UTRN: variants seen among roughly 807,000 people sequenced by gnomAD.
UTRN encodes utrophin, also known as dystrophin-related protein 1.
In UTRN, 283 loss-of-function variants were observed where a neutral mutation model predicts 463.9. The ratio of observed to expected loss-of-function variants is 0.61; its 90% CI spans 0.55 to 0.67. The LOEUF (loss-of-function observed/expected upper bound fraction) is 0.67. UTRN is among the 30% of genes least tolerant of loss of function. The pLI is 0.00. For synonymous variants in UTRN, 1,442 were observed against 1,431.5 expected, an observed-to-expected ratio of 1.01 and a Z score of -0.17; for missense variants, 3,922 against 4,084.3, an observed-to-expected ratio of 0.96 and a Z score of 1.08.
At chr6:144,387,137 TTTTA>T (rs1781490189) in intron 2 of UTRN, among the ~76,000 whole-genome samples, 1 of 152,116 alleles carries the variant, frequency 6.6e-6, no homozygotes, top group African/African-American at 2.4e-5. Flanking sequence ...TTTCTTCCCA[TTTTA>T]TTTATTTATT....
At chr6:144,708,400 G>T (rs970484086) in intron 53 of UTRN, 2 of 630,994 alleles carry the variant, frequency 3.2e-6, no homozygotes, top group East Asian at 7.1e-5. Context: ...TAGAGGCTTT[G>T]CCTTTGGCCT....
intron 63 of UTRN, among the ~76,000 whole-genome samples, chr6:144,796,737 G>C (rs1314557004): frequency 1.3e-5 from 2 of 152,100 alleles, no homozygotes; most frequent in Non-Finnish European, 2.9e-5. Flanking sequence ...AGCATATCCA[G>C]TGATTTATCA....
chr6:144,537,089 G>GC (rs1490971466), intron 43 of UTRN, among the ~76,000 whole-genome samples: 1 of 151,774 alleles, frequency 6.6e-6, no homozygotes, highest in Non-Finnish European at 1.5e-5. Context: ...TTGATACCTT[G>GC]CTTTGTTCTT....
chr6:144,479,418 T>G (rs997999445), intron 25 of UTRN, among the ~76,000 whole-genome samples: 2 of 152,174 alleles, frequency 1.3e-5, no homozygotes, highest in Non-Finnish European at 2.9e-5. Context: ...CAAGACTGAC[T>G]GGCTTCTAGA....
At chr6:144,766,078 C>T (rs1044750928) in intron 58 of UTRN, among the ~76,000 whole-genome samples, 1 of 151,312 alleles carries the variant, frequency 6.6e-6, no homozygotes, top group African/African-American at 2.5e-5. Context: ...CACCCACTAC[C>T]TCCATCCTCT....
rs562579169 is a variant in UTRN at position 144,344,216 on chromosome 6, C to T, written c.79+52309C>T. 2.8e-5 allele frequency: 37 copies of T among 1,303,934 alleles called. No homozygotes were observed. The East Asian group carries it at 3.3e-4, about 12-fold the overall frequency. The allele number at this position is 1,303,934 out of a possible 1,614,324, so 80.8% of individuals were successfully genotyped here. ...CATCTAAGCAGATGTAGGTGATGAG[C>T]GGCCTGGCAGCCACCACGTTTCATT... On this transcript the variant is annotated intron_variant, in intron 2 of 74. Coordinates refer to ENST00000367545, the MANE Select transcript of UTRN (RefSeq NM_007124.3).
Position 144,852,151 on chromosome 6 carries a change from C to T in UTRN, c.*1154C>T, listed in dbSNP as rs905677351. 1.3e-5 allele frequency: 2 copies of T among 152,028 alleles called. No homozygotes were observed. The allele number at this position is 152,028 out of a possible 1,614,324, so 9.4% of individuals were successfully genotyped here. A position where few individuals can be genotyped will look rare whatever the true frequency, so the allele number is the denominator to read the frequency against. ...GGTGAAAGATCAGATGTTTTTATAC[C>T]CTTCACTTGATCAATATATTTGGAA... On this transcript the variant is annotated 3_prime_UTR_variant, in exon 75 of 75. Transcript: ENST00000367545.
At position 144,461,217 on chromosome 6, in the gene UTRN, C is replaced by T; in HGVS notation, c.2728C>T (p.His910Tyr). Reference protein sequence around the residue: ...LENELKGQPGHAYLETLKTLK... With the variant: ...LENELKGQPGYAYLETLKTLK... ...AACAGAACTGAAGGGCCAACCTGGA[C>T]ATGCATATCTGGAAACATTGAAAAC... The change falls in exon 22 of 75, where the codon CAT (histidine) becomes TAT (tyrosine). Residue 910 changes from histidine (H) to tyrosine (Y), a missense_variant. By Grantham distance (83) the His-to-Tyr change is moderately conservative (BLOSUM62 2). Transcript: ENST00000367545. 6.3e-7 allele frequency: 1 copy of T among 1,591,848 alleles called. No individual in the cohort carries two copies. The highest frequency in any genetic ancestry group is 8.6e-7 in the Non-Finnish European group (1 of 1,169,040).
At chr6:144,632,184 C>T (rs1045273992) in intron 51 of UTRN, among the ~76,000 whole-genome samples, 2 of 152,158 alleles carry the variant, frequency 1.3e-5, no homozygotes, top group Non-Finnish European at 2.9e-5. Flanking sequence ...ACTTAAGTCT[C>T]AACTGCACTA....
Position 144,487,539 on chromosome 6 carries a change from C to T in UTRN, c.3823-9C>T, listed in dbSNP as rs1433490811. 2 of 1,581,530 alleles carry T rather than the reference C, an allele frequency of 1.3e-6. No homozygotes were observed. ...GCATTATTATTTTTTTTTCCCATCT[C>T]CATTCCAGTCTCTGGAATCTGTTCT... On this transcript the variant is annotated splice_polypyrimidine_tract_variant and intron_variant, in intron 28 of 74. Transcript: ENST00000367545.
rs1775859895 is a variant in UTRN, at chr6:144,324,544, GACTACCTTTTGGAATTCAAGAC to G, written c.79+32638_79+32659del. On this transcript the variant is annotated intron_variant, in intron 2 of 74. Coordinates refer to ENST00000367545, the MANE Select transcript of UTRN (RefSeq NM_007124.3). ...GGTTTGGCCATAAAGTATTTAGCAA[GACTACCTTTTGGAATTCAAGAC>G]TATGAGAACCACGTCTTGCTTGCAC... Among the ~76,000 whole-genome samples the G allele has an allele frequency of 2.0e-5, 3 of 152,278 alleles. No homozygotes were observed. The East Asian group carries it at 5.8e-4, about 29-fold the overall frequency.
chr6:144,515,105 A>G (rs960732689), intron 37 of UTRN, among the ~76,000 whole-genome samples: 1 of 152,090 alleles, frequency 6.6e-6, no homozygotes, highest in African/African-American at 2.4e-5. Context: ...GGGTTTCACC[A>G]TCTTGGCCAG....
In UTRN at chr6:144,839,115, T is replaced by A. The variant is rs1043258718; in HGVS notation, c.10066-58T>A. The stretch of plus-strand genomic sequence containing the variant: ...GGGCGGGGAAGTTAAAAAGGAAATG[T>A]TTTTCCTTATGATTATTTGAATCCT... On this transcript the variant is annotated intron_variant, in intron 71 of 74. Coordinates refer to ENST00000367545, the MANE Select transcript of UTRN (RefSeq NM_007124.3). 7 of 1,374,096 alleles carry A rather than the reference T, an allele frequency of 5.1e-6. No individual in the cohort carries two copies. In the Admixed American group the frequency reaches 1.2e-4, roughly 23 times the overall value. The allele number at this position is 1,374,096 out of a possible 1,614,324, so 85.1% of individuals were successfully genotyped here. A position where few individuals can be genotyped will look rare whatever the true frequency, so the allele number is the denominator to read the frequency against.
chr6:144,511,916 A>G (rs1358554514), intron 35 of UTRN, among the ~76,000 whole-genome samples: 1 of 152,144 alleles, frequency 6.6e-6, no homozygotes, highest in Non-Finnish European at 1.5e-5. Context: ...TACCTGAGAT[A>G]GGACTTTTAT....
Position 144,754,747 on chromosome 6 carries a change from C to G in UTRN, c.8383C>G (p.Leu2795Val), listed in dbSNP as rs1791795302. 1 of 1,613,458 alleles carries G rather than the reference C, an allele frequency of 6.2e-7. No homozygotes were observed. The highest frequency in any genetic ancestry group is 1.3e-5 in the African/African-American group (1 of 74,860). ...QVSVDDRLKQ[L>V]QEAHRDFGPS... ...TTCTGTGGATGATCGCCTTAAACAG[C>G]TTCAGGAAGCCCACAGAGATTTTGG... The change falls in exon 57 of 75, where the codon CTT becomes GTT. Residue 2795 changes from leucine to valine, a missense_variant. Physicochemically the swap from Leu to Val is conservative, Grantham distance 32. Coordinates refer to ENST00000367545, the MANE Select transcript of UTRN (RefSeq NM_007124.3).
chr6:144,840,781 G>A lies in UTRN; in HGVS notation c.10219G>A (p.Asp3407Asn). 6.2e-7 allele frequency: 1 copy of A among 1,614,060 alleles called. No homozygotes were observed. The highest frequency in any genetic ancestry group is 1.1e-5 in the South Asian group (1 of 91,072). The change falls in exon 73 of 75, where the codon GAT (aspartate) becomes AAT (asparagine). Residue 3407 changes from aspartate to asparagine, a missense_variant. Transcript: ENST00000367545. ...GGCCCCACCGCACGACACCAGCACG[G>A]ATCTCACGGAGGTCATGGAGCAGAT... is the stretch of plus-strand genomic sequence containing the variant. ...LLAPPHDTSTDLTEVMEQIHS... is the reference protein window; with the variant it reads ...LLAPPHDTSTNLTEVMEQIHS...
chr6:144,703,446 A>G (rs1784786490), intron 53 of UTRN, among the ~76,000 whole-genome samples: 1 of 152,156 alleles, frequency 6.6e-6, no homozygotes, highest in South Asian at 2.1e-4. Context: ...ATTGGATGAG[A>G]TCACCTATAG....
intron 38 of UTRN, among the ~76,000 whole-genome samples, 173 bp from the exon 39 acceptor site, chr6:144,516,638 A>G (rs1795635052): frequency 6.6e-6 from 1 of 151,330 alleles, no homozygotes; most frequent in Non-Finnish European, 1.5e-5. Context: ...GAGACATTTT[A>G]TCTTCAAATA....
intron 52 of UTRN, among the ~76,000 whole-genome samples, chr6:144,683,827 A>G (rs570604120): frequency 7.9e-5 from 12 of 152,270 alleles, no homozygotes; most frequent in African/African-American, 2.9e-4. Flanking sequence ...ATGTGGTGCC[A>G]GAAAACACTG....
Sources: gnomAD v4.1 joint callset for allele counts (sites outside exome capture counted in the v4.1 genomes callset) on GRCh38, gnomAD v4.1.1 for gene constraint, MANE v1.5 for transcripts, NCBI Gene and HGNC (gene_info 2026-07-23, HGNC 2026-07-21) for gene names.